Variants in TMPRSS11A observed in about 807,000 individuals in gnomAD.
TMPRSS11A encodes transmembrane serine protease 11A.
TMPRSS11A carries 53 observed loss-of-function variants against 58.9 expected under a neutral mutation model. The ratio of observed to expected loss-of-function variants is 0.90; its 90% confidence interval spans 0.72 to 1.13. The LOEUF (loss-of-function observed/expected upper bound fraction) is 1.13. Ranked by LOEUF, TMPRSS11A falls within the 50% of genes most tolerant of loss-of-function variation. The pLI, the probability that TMPRSS11A is intolerant of heterozygous loss-of-function variation, is 0.00. For missense variants in TMPRSS11A, 493 were observed against 499.3 expected (o/e 0.99, Z 0.12); for synonymous variants, 167 against 169.8 (o/e 0.98, Z 0.13).
intron 7 of TMPRSS11A, among the ~76,000 whole-genome samples, chr4:67,921,173 G>T (rs1720318604): frequency 6.6e-6 from 1 of 152,038 alleles, no homozygotes; most frequent in Non-Finnish European, 1.5e-5. Flanking sequence ...TGCAAAAATA[G>T]AACTATCTAC....
intron 9 of TMPRSS11A, among the ~76,000 whole-genome samples, chr4:67,912,327 T>TACACAC (rs1200762049): frequency 3.3e-5 from 5 of 151,538 alleles, no homozygotes; most frequent in Admixed American, 1.3e-4. Flanking sequence ...CACATACACA[T>TACACAC]ACACACAATC....
intron 3 of TMPRSS11A, among the ~76,000 whole-genome samples, chr4:67,942,682 G>A (rs1720907847): frequency 6.6e-6 from 1 of 152,088 alleles, no homozygotes; most frequent in African/African-American, 2.4e-5. Flanking sequence ...TGCACCAATT[G>A]GTCAAGTTAA....
At chr4:67,948,274 T>A (rs1276785330) in intron 1 of TMPRSS11A, among the ~76,000 whole-genome samples, 3 of 150,064 alleles carry the variant, frequency 2.0e-5, no homozygotes, top group African/African-American at 7.4e-5. Flanking sequence ...TTCTCCTGCC[T>A]CAGCCTCCTG....
Position 67,944,508 on chromosome 4 carries a change from A to C in TMPRSS11A, c.252+11T>G, listed in dbSNP as rs1294597629. 6.2e-7 allele frequency: 1 copy of C among 1,606,718 alleles called. No homozygotes were observed. Among genetic ancestry groups the C allele is most frequent in the East Asian group, 2.2e-5 (1 of 44,792 alleles). Reference sequence around the variant, plus strand: ...ATTATTCTATGATAAAAAGAAGTTTACCTGACTCACCAAATTTTCGGTCGT... The same window carrying C: ...ATTATTCTATGATAAAAAGAAGTTTCCCTGACTCACCAAATTTTCGGTCGT... On this transcript the variant is annotated intron_variant, in intron 3 of 9. Transcript: ENST00000508048.
At chr4:67,912,601 A>T (rs1053348320) in intron 9 of TMPRSS11A, among the ~76,000 whole-genome samples, 1 of 152,166 alleles carries the variant, frequency 6.6e-6, no homozygotes, top group African/African-American at 2.4e-5. Context: ...TTTAGTTAGC[A>T]TGGGTAGGAA....
chr4:67,930,868 A>G (rs538351424), intron 4 of TMPRSS11A, among the ~76,000 whole-genome samples: 19 of 121,048 alleles, frequency 1.6e-4, no homozygotes, highest in South Asian at 8.0e-4. Flanking sequence ...CTAGAGGCCC[A>G]TCTCCCTGAA....
In TMPRSS11A at chr4:67,941,328, C is replaced by A. The variant is rs534125084; in HGVS notation, c.252+3191G>T. 7.2e-5 allele frequency among the ~76,000 whole-genome samples: 11 copies of A among 152,260 alleles called. No homozygotes were observed. The South Asian group carries it at 2.3e-3, about 32-fold the overall frequency. On this transcript the variant is annotated intron_variant, in intron 3 of 9. Transcript: ENST00000508048. The stretch of plus-strand genomic sequence containing the variant: ...GGCATAAACTCTTCCTGTAATTCTT[C>A]TAAAGCTAACCTGGTGCGGGATGGG...
intron 9 of TMPRSS11A, 29 bp downstream of exon 9, chr4:67,914,559 A>G: frequency 6.2e-7 from 1 of 1,604,262 alleles, no homozygotes; most frequent in Non-Finnish European, 8.5e-7. Flanking sequence ...TTTTTGAGTT[A>G]GTAATATAAA....
intron 8 of TMPRSS11A, among the ~76,000 whole-genome samples, chr4:67,916,017 A>G (rs558712442): frequency 3.9e-4 from 60 of 152,322 alleles, no homozygotes; most frequent in African/African-American, 1.4e-3. Flanking sequence ...AACTGCAAAT[A>G]TGAATTTGTT....
intron 8 of TMPRSS11A, among the ~76,000 whole-genome samples, chr4:67,916,932 T>A (rs922333746): frequency 2.6e-5 from 4 of 152,096 alleles, no homozygotes; most frequent in South Asian, 2.1e-4. Flanking sequence ...ATCCACAACT[T>A]CTTCAGCAAA....
chr4:67,954,772 C>A (rs1228898634), intron 1 of TMPRSS11A, among the ~76,000 whole-genome samples: 1 of 152,118 alleles, frequency 6.6e-6, no homozygotes, highest in Admixed American at 6.6e-5. Flanking sequence ...AGTTCAAGTC[C>A]GAGTTGGCCA....
chr4:67,933,745 T>G (rs1476241801), intron 3 of TMPRSS11A, among the ~76,000 whole-genome samples: 1 of 152,136 alleles, frequency 6.6e-6, no homozygotes, highest in Non-Finnish European at 1.5e-5. Context: ...CTACTCAGTA[T>G]GGAGGTGAGG....
rs1211179976 is a variant in TMPRSS11A at position 67,958,109 on chromosome 4, G to A, written c.11+5274C>T. ...AAGTCCAGGAAGAAGTTTGGTACAAGAGCAGTGCACTCATGGAGAACCTCT... is the reference window on the plus strand; with the variant it reads ...AAGTCCAGGAAGAAGTTTGGTACAAAAGCAGTGCACTCATGGAGAACCTCT... On this transcript the variant is annotated intron_variant, in intron 1 of 9. Coordinates refer to ENST00000508048, the MANE Select transcript of TMPRSS11A (RefSeq NM_001114387.2). 5.3e-5 allele frequency among the ~76,000 whole-genome samples: 8 copies of A among 152,322 alleles called. No homozygotes were observed. The East Asian group carries it at 1.4e-3, about 26-fold the overall frequency.
intron 8 of TMPRSS11A, among the ~76,000 whole-genome samples, chr4:67,915,746 G>A (rs353170): frequency 0.67 from 102,026 of 151,920 alleles, 34,798 homozygotes; most frequent in East Asian, 0.82. Flanking sequence ...ACCTTGAGGA[G>A]ACCTTCAAAG....
chr4:67,955,806 C>G (rs1264252733), intron 1 of TMPRSS11A, among the ~76,000 whole-genome samples: 2 of 152,114 alleles, frequency 1.3e-5, no homozygotes, highest in Admixed American at 6.6e-5. Flanking sequence ...ATCTTTAGTA[C>G]TTTTTTCTCA....
chr4:67,930,829 T>TTC (rs1265700805), intron 4 of TMPRSS11A, among the ~76,000 whole-genome samples: 3 of 90,154 alleles, frequency 3.3e-5, no homozygotes, highest in Admixed American at 1.2e-4. Context: ...TTTTTTTTTT[T>TTC]ACAAAAAAAA....
rs1719962580 is a variant in TMPRSS11A at position 67,911,027 on chromosome 4, T to C, written c.*315A>G. 1 of 197,394 alleles carries C rather than the reference T, an allele frequency of 5.1e-6. No individual in the cohort carries two copies. The highest frequency in any genetic ancestry group is 5.8e-5 in the Admixed American group (1 of 17,302). The allele number at this position is 197,394 out of a possible 1,614,324, so 12.2% of individuals were successfully genotyped here. A position where few individuals can be genotyped will look rare whatever the true frequency, so the allele number is the denominator to read the frequency against. On this transcript the variant is annotated 3_prime_UTR_variant, in exon 10 of 10. Transcript: ENST00000508048. ...AAAAGGAGACCCTTGACAACGACAT[T>C]CTAAAAATCCCATGGACTATCTTCA...
chr4:67,924,045 G>C, intron 6 of TMPRSS11A, 83 bp downstream of exon 6: 3 of 1,124,472 alleles, frequency 2.7e-6, no homozygotes, highest in Non-Finnish European at 4.1e-6. Flanking sequence ...CTGGAGGACA[G>C]ATGGGCAAGT....
intron 8 of TMPRSS11A, among the ~76,000 whole-genome samples, chr4:67,915,208 CAT>C (rs1368902858): frequency 1.3e-5 from 2 of 151,644 alleles, no homozygotes; most frequent in Admixed American, 6.6e-5. Flanking sequence ...TATTATACAT[CAT>C]ATATATATAA....
Sources: gnomAD v4.1 joint callset for allele counts (sites outside exome capture counted in the v4.1 genomes callset) on GRCh38, gnomAD v4.1.1 for gene constraint, MANE v1.5 for transcripts, NCBI Gene and HGNC (gene_info 2026-07-23, HGNC 2026-07-21) for gene names.